ELL: variants seen among roughly 807,000 people sequenced by gnomAD.
ELL encodes elongation factor for RNA polymerase II, also known as RNA polymerase II elongation factor ELL.
Under a neutral mutation model 64.0 loss-of-function variants are expected in ELL, and 18 were observed. The ratio of observed to expected loss-of-function variants is 0.28; its 90% CI spans 0.19 to 0.42. ELL has a LOEUF of 0.42. Among genes scored for constraint, ELL ranks in the 10% least tolerant of loss-of-function variants. The probability of loss-of-function intolerance (pLI) is 1.00; values close to 1 mark genes in which losing one functional copy is unlikely to be tolerated. For synonymous variants in ELL, 399 were observed against 376.2 expected, an observed-to-expected ratio of 1.06 and a Z score of -0.70; for missense variants, 797 against 870.4, an observed-to-expected ratio of 0.92 and a Z score of 1.06.
Position 18,509,587 on chromosome 19 carries a change from GCGCGCGCACATACA to G in ELL, c.135+12320_135+12333del, listed in dbSNP as rs1975961212. ...GAGACACAGGCCAATGCACGTGCGC[GCGCGCGCACATACA>G]CACACACACACACACACACACACAC... On this transcript the variant is annotated intron_variant, in intron 1 of 11. Transcript: ENST00000262809. 4.4e-5 allele frequency among the ~76,000 whole-genome samples: 5 copies of G among 112,880 alleles called. No homozygotes were observed. The East Asian group carries it at 7.0e-4, about 16-fold the overall frequency. The allele number at this position is 112,880 out of a possible 152,430, so 74.1% of individuals were successfully genotyped here. A position where few individuals can be genotyped will look rare whatever the true frequency, so the allele number is the denominator to read the frequency against.
rs138383106 is a variant in ELL, at chr19:18,461,231, C to T, written c.744+347G>A. Among the ~76,000 whole-genome samples the T allele has an allele frequency of 2.3e-3, 345 of 151,864 alleles. 2 individuals are homozygous for T. Among genetic ancestry groups the T allele is most frequent in the African/African-American group, 8.0e-3 (331 of 41,406 alleles). ...GCCAGGCACGTGTAGATTCCTTCCC[C>T]AGGCCTTGAGTCCACAAATCGTCTG... On this transcript the variant is annotated intron_variant, in intron 5 of 11. Transcript: ENST00000262809.
At chr19:18,521,252 G>A (rs1021194919) in intron 1 of ELL, among the ~76,000 whole-genome samples, 1 of 152,048 alleles carries the variant, frequency 6.6e-6, no homozygotes, top group African/African-American at 2.4e-5. Context: ...GGTCACCTGG[G>A]GGTAAGGGGA....
chr19:18,472,814 ATGAT>A lies in ELL; in HGVS notation c.183+17_183+20del, dbSNP rs778183211. On this transcript the variant is annotated intron_variant, in intron 2 of 11. Coordinates refer to ENST00000262809, the MANE Select transcript of ELL (RefSeq NM_006532.4). ...ACCAGTCCCAAGATTCCAAATATGA[ATGAT>A]TAAGACAAAAACTTACCCCTTGGCT... 1 of 1,606,966 alleles carries A rather than the reference ATGAT, an allele frequency of 6.2e-7. No homozygotes were observed. Among genetic ancestry groups the A allele is most frequent in the East Asian group, 2.2e-5 (1 of 44,702 alleles).
At chr19:18,468,207 CCACA>C (rs535682545) in intron 2 of ELL, among the ~76,000 whole-genome samples, 1,605 of 140,000 alleles carry the variant, frequency 0.011, 16 homozygotes, top group Non-Finnish European at 0.018. Flanking sequence ...AACACAACCC[CCACA>C]CACACAAACA....
intron 1 of ELL, among the ~76,000 whole-genome samples, chr19:18,492,777 G>GCCAGGC (rs554486661): frequency 6.6e-6 from 1 of 152,166 alleles, no homozygotes; most frequent in Non-Finnish European, 1.5e-5. Flanking sequence ...GAGTCCAGCA[G>GCCAGGC]CCAGGCCCAG....
At chr19:18,512,202 G>A (rs557503844) in intron 1 of ELL, among the ~76,000 whole-genome samples, 23 of 152,178 alleles carry the variant, frequency 1.5e-4, no homozygotes, top group African/African-American at 5.3e-4. Context: ...GCATATGCCT[G>A]TAGTCCCAAC....
chr19:18,513,234 C>T (rs560059573), intron 1 of ELL, among the ~76,000 whole-genome samples: 1 of 152,304 alleles, frequency 6.6e-6, no homozygotes, highest in South Asian at 2.1e-4. Context: ...GGGTCACCTG[C>T]CTCACCTCAC....
rs202163999 is a variant in ELL, at chr19:18,465,838, G to C, written c.264C>G (p.Asn88Lys). The C allele has an allele frequency of 7.4e-7, 1 of 1,355,196 alleles. No individual in the cohort carries two copies. The highest frequency in any genetic ancestry group is 2.9e-5 in the Admixed American group (1 of 34,070). The allele number at this position is 1,355,196 out of a possible 1,614,324, so 83.9% of individuals were successfully genotyped here. Reference sequence around the variant, plus strand: ...GGATGCAGTCGAAGCTGCCCTGGGGGTTGTCGCGGCCGATGTTGGAGAGGT... The same window carrying C: ...GGATGCAGTCGAAGCTGCCCTGGGGCTTGTCGCGGCCGATGTTGGAGAGGT... ...SFYLSNIGRD[N>K]PQGSFDCIQQ... Residue 88 changes from asparagine (N) to lysine (K), a missense_variant, in exon 3 of 12, where the codon AAC (asparagine) becomes AAG (lysine). Asn to Lys is a moderately conservative substitution (Grantham distance 94). Transcript: ENST00000262809.
At chr19:18,502,589 T>C (rs947025606) in intron 1 of ELL, among the ~76,000 whole-genome samples, 1 of 152,200 alleles carries the variant, frequency 6.6e-6, no homozygotes, top group African/African-American at 2.4e-5. Flanking sequence ...AATCCACACA[T>C]GGGACTTCCC....
At chr19:18,476,126 G>T (rs1975170064) in intron 1 of ELL, among the ~76,000 whole-genome samples, 1 of 152,196 alleles carries the variant, frequency 6.6e-6, no homozygotes, top group South Asian at 2.1e-4. Flanking sequence ...CACGACCAAG[G>T]CCAGGTGGGA....
intron 1 of ELL, among the ~76,000 whole-genome samples, chr19:18,498,216 C>G (rs899812652): frequency 3.3e-5 from 5 of 152,070 alleles, no homozygotes; most frequent in Admixed American, 2.6e-4. Context: ...ATGGGGGAGG[C>G]TGCAGGTGCG....
At chr19:18,491,751 C>CAA (rs199607470) in intron 1 of ELL, among the ~76,000 whole-genome samples, 5 of 149,934 alleles carry the variant, frequency 3.3e-5, no homozygotes, top group Non-Finnish European at 7.4e-5. Context: ...CCTGTCTCTA[C>CAA]AAAAAAAAAC....
At chr19:18,516,295 A>C (rs1600511409) in intron 1 of ELL, among the ~76,000 whole-genome samples, 1 of 151,330 alleles carries the variant, frequency 6.6e-6, no homozygotes. Context: ...GCACCCCTCT[A>C]CCTCCACTCC....
chr19:18,454,454 G>A (rs1474115070), intron 6 of ELL, among the ~76,000 whole-genome samples: 5 of 152,036 alleles, frequency 3.3e-5, no homozygotes, highest in Non-Finnish European at 7.4e-5. Context: ...AGCCGAGATC[G>A]CGCCACTGCA....
chr19:18,462,154 C>CCTGATCA (rs1974830357), intron 4 of ELL, among the ~76,000 whole-genome samples: 1 of 151,186 alleles, frequency 6.6e-6, no homozygotes, highest in Non-Finnish European at 1.5e-5. Flanking sequence ...AGCAAAATCA[C>CCTGATCA]CTGATCACTC....
Position 18,464,865 on chromosome 19 carries a change from C to G in ELL, c.469+547G>C, listed in dbSNP as rs140957706. On this transcript the variant is annotated intron_variant, in intron 4 of 11. Transcript: ENST00000262809. ...GGCTTCTCAACTGCTGAAACCGTTT[C>G]CAAGTTGATGCTGAGTGGCCAGAGC... is the stretch of plus-strand genomic sequence containing the variant. Among the ~76,000 whole-genome samples, 312 of 152,312 alleles carry G rather than the reference C, an allele frequency of 2.0e-3. 2 individuals are homozygous for G. Among genetic ancestry groups the G allele is most frequent in the Non-Finnish European group, 3.6e-3 (245 of 68,028 alleles).
At chr19:18,473,898 G>A (rs936790687) in intron 1 of ELL, among the ~76,000 whole-genome samples, 1 of 151,778 alleles carries the variant, frequency 6.6e-6, no homozygotes, top group African/African-American at 2.4e-5. Context: ...ATAGTACCCC[G>A]TCCTGGGCTC....
intron 1 of ELL, among the ~76,000 whole-genome samples, chr19:18,473,617 C>T (rs1195624136): frequency 1.3e-5 from 2 of 152,198 alleles, no homozygotes; most frequent in Admixed American, 1.3e-4. Context: ...TAAATACTGA[C>T]GCTTCAGCTA....
At chr19:18,444,951 A>G in intron 11 of ELL, 83 bp from the exon 12 acceptor site, 1 of 1,438,054 alleles carries the variant, frequency 7.0e-7, no homozygotes, top group Non-Finnish European at 9.4e-7. Context: ...TCCCCCCCAA[A>G]CCAAAAACCT....
Sources: allele counts gnomAD v4.1 joint callset (sites outside exome capture counted in the v4.1 genomes callset), GRCh38; gene constraint gnomAD v4.1.1; transcripts MANE v1.5; gene names NCBI Gene and HGNC (gene_info 2026-07-23, HGNC 2026-07-21).